The following EIPR1 variants were observed in gnomAD, a reference collection of about 807,000 sequenced individuals.
EIPR1 encodes EARP complex and GARP complex interacting protein 1.
In EIPR1, 25 loss-of-function variants were observed where a neutral mutation model predicts 48.1. The ratio of observed to expected loss-of-function variants is 0.52; its 90% confidence interval spans 0.38 to 0.73. EIPR1 has a LOEUF of 0.73. Among genes scored for constraint, EIPR1 ranks in the 30% least tolerant of loss-of-function variants. EIPR1 has a pLI of 0.00. For missense variants in EIPR1, 415 were observed against 506.2 expected, an observed-to-expected ratio of 0.82 and a Z score of 1.73; for synonymous variants, 204 against 201.9, an observed-to-expected ratio of 1.01 and a Z score of -0.09.
chr2:3,214,870 G>T (rs907568826), intron 4 of EIPR1, among the ~76,000 whole-genome samples: 5 of 152,208 alleles, frequency 3.3e-5, no homozygotes, highest in African/African-American at 9.6e-5. Flanking sequence ...TTTGGGAGGT[G>T]ATTAGGGTTA....
intron 2 of EIPR1, 102 bp downstream of exon 2, chr2:3,354,448 G>T: frequency 1.0e-6 from 1 of 974,118 alleles, no homozygotes; most frequent in Non-Finnish European, 1.6e-6. Context: ...TGTTTATGTG[G>T]CATTAATTTC....
chr2:3,195,332 G>T (rs536529858), intron 6 of EIPR1, among the ~76,000 whole-genome samples: 8 of 152,164 alleles, frequency 5.3e-5, no homozygotes, highest in Non-Finnish European at 8.8e-5. Flanking sequence ...CTTCCTCACC[G>T]CAGGCCTCAA....
chr2:3,344,895 C>T (rs752294649), intron 2 of EIPR1, among the ~76,000 whole-genome samples: 3 of 152,060 alleles, frequency 2.0e-5, no homozygotes, highest in Non-Finnish European at 4.4e-5. Flanking sequence ...TACTTAATAA[C>T]TCTTTTTCCA....
At position 3,214,188 on chromosome 2, in the gene EIPR1, G is replaced by A. The variant is rs909138274; in HGVS notation, c.477C>T (p.Ile159=). 1 of 1,613,682 alleles carries A rather than the reference G, an allele frequency of 6.2e-7. No homozygotes were observed. Among genetic ancestry groups the A allele is most frequent in the Non-Finnish European group, 8.5e-7 (1 of 1,179,822 alleles). Residue 159 remains isoleucine (I), a synonymous_variant, in exon 5 of 9, where the codon ATC becomes ATT. Transcript: ENST00000382125. ...KKIISLADNH[I]LLWDLQESSS... is the part of the protein sequence containing the mutation. ...AGCTTTCCTGTAAATCCCACAGCAGGATATGGTTATCAGCCAAGGAAATGA... is the reference window on the plus strand; with the variant it reads ...AGCTTTCCTGTAAATCCCACAGCAGAATATGGTTATCAGCCAAGGAAATGA...
chr2:3,375,069 T>C (rs1306415615), intron 1 of EIPR1, among the ~76,000 whole-genome samples: 1 of 151,324 alleles, frequency 6.6e-6, no homozygotes, highest in Non-Finnish European at 1.5e-5. Flanking sequence ...GATGAGTTCA[T>C]GTCCTTTGTA....
In EIPR1 at chr2:3,331,130, C is replaced by G. The variant is rs114924315; in HGVS notation, c.259+6887G>C. On this transcript the variant is annotated intron_variant, in intron 3 of 8. Coordinates refer to ENST00000382125, the MANE Select transcript of EIPR1 (RefSeq NM_003310.5). Reference sequence around the variant, plus strand: ...GCACACACTCCTGAGGTGGTGTGAGCAGAAGCAGGCGTGTGCACACTCATG... The same window carrying G: ...GCACACACTCCTGAGGTGGTGTGAGGAGAAGCAGGCGTGTGCACACTCATG... Among the ~76,000 whole-genome samples the G allele has an allele frequency of 7.8e-3, 965 of 124,336 alleles. 59 individuals are homozygous for G. The highest frequency in any genetic ancestry group is 0.026 in the African/African-American group (929 of 35,472). The allele number at this position is 124,336 out of a possible 152,430, so 81.6% of individuals were successfully genotyped here.
At chr2:3,330,828 T>TCA (rs1669868869) in intron 3 of EIPR1, among the ~76,000 whole-genome samples, 1 of 132,760 alleles carries the variant, frequency 7.5e-6, no homozygotes. Context: ...ACGTGTACAC[T>TCA]CGAGATGGTG....
chr2:3,269,611 T>TCG (rs1468647153), intron 3 of EIPR1, among the ~76,000 whole-genome samples: 2 of 97,890 alleles, frequency 2.0e-5, no homozygotes, highest in African/African-American at 7.9e-5. Context: ...TCGCACTCAA[T>TCG]CATCACAATC....
chr2:3,194,720 T>G, intron 6 of EIPR1, among the ~76,000 whole-genome samples: 1 of 149,934 alleles, frequency 6.7e-6, no homozygotes, highest in African/African-American at 2.5e-5. Flanking sequence ...GGGAAGGCCA[T>G]GGAAGCAGGA....
intron 5 of EIPR1, among the ~76,000 whole-genome samples, chr2:3,210,859 A>T (rs1326152436): frequency 2.6e-5 from 4 of 152,038 alleles, no homozygotes; most frequent in Admixed American, 6.6e-5. Context: ...GGCTGGCCTC[A>T]AACTCCTGAT....
intron 4 of EIPR1, among the ~76,000 whole-genome samples, chr2:3,248,192 A>G (rs770364683): frequency 2.3e-4 from 35 of 152,148 alleles, no homozygotes; most frequent in Non-Finnish European, 4.1e-4. Flanking sequence ...TCACGCCTGT[A>G]ATCCCAGAAC....
intron 5 of EIPR1, among the ~76,000 whole-genome samples, chr2:3,197,998 T>C (rs906696783): frequency 6.6e-6 from 1 of 152,058 alleles, no homozygotes; most frequent in Non-Finnish European, 1.5e-5. Context: ...TCTCACAAGA[T>C]TTACCGAGGG....
chr2:3,313,889 A>G (rs1300162785), intron 3 of EIPR1, among the ~76,000 whole-genome samples: 2 of 152,174 alleles, frequency 1.3e-5, no homozygotes, highest in Non-Finnish European at 2.9e-5. Flanking sequence ...CATTATGTGC[A>G]TCTGACCCTC....
intron 3 of EIPR1, among the ~76,000 whole-genome samples, chr2:3,285,258 A>G (rs1668143966): frequency 6.6e-6 from 1 of 151,672 alleles, no homozygotes; most frequent in Non-Finnish European, 1.5e-5. Flanking sequence ...ACCCTGGAGC[A>G]AACCTCAAAG....
At chr2:3,207,152 C>T (rs993305950) in intron 5 of EIPR1, among the ~76,000 whole-genome samples, 2 of 152,148 alleles carry the variant, frequency 1.3e-5, no homozygotes, top group Admixed American at 6.5e-5. Flanking sequence ...CACCCATCCA[C>T]GCGTCCACCC....
At chr2:3,350,629 T>A (rs56160341) in intron 2 of EIPR1, among the ~76,000 whole-genome samples, 26,033 of 152,206 alleles carry the variant, frequency 0.17, 2,455 homozygotes, top group Non-Finnish European at 0.21. Flanking sequence ...AGTTCTGTTA[T>A]TCTATGAAGT....
At chr2:3,246,125 A>T (rs1572349610) in intron 4 of EIPR1, among the ~76,000 whole-genome samples, 1 of 152,172 alleles carries the variant, frequency 6.6e-6, no homozygotes, top group Non-Finnish European at 1.5e-5. Flanking sequence ...CAGTGGCAAT[A>T]CTGCCATAAT....
chr2:3,308,852 T>C (rs1669035798), intron 3 of EIPR1, among the ~76,000 whole-genome samples: 1 of 152,240 alleles, frequency 6.6e-6, no homozygotes, highest in African/African-American at 2.4e-5. Flanking sequence ...TATTTCCATT[T>C]TTCAAAGAAT....
chr2:3,327,708 T>C (rs1669742142), intron 3 of EIPR1, among the ~76,000 whole-genome samples: 2 of 152,212 alleles, frequency 1.3e-5, no homozygotes, highest in Admixed American at 6.5e-5. Context: ...AAATGAGGCC[T>C]CTGGCCTTCT....
Sources: gnomAD v4.1 joint callset for allele counts (sites outside exome capture counted in the v4.1 genomes callset) on GRCh38, gnomAD v4.1.1 for gene constraint, MANE v1.5 for transcripts, NCBI Gene and HGNC (gene_info 2026-07-23, HGNC 2026-07-21) for gene names.